Variants in ZNF644 observed in about 807,000 individuals in gnomAD.
The protein encoded by ZNF644 is zinc finger motif enhancer binding protein 2.
Under a neutral mutation model 108.0 loss-of-function variants are expected in ZNF644, and 20 were observed. That is an observed-to-expected ratio of 0.19 (90% CI 0.13 to 0.27). The LOEUF is 0.27. Among genes scored for constraint, ZNF644 ranks in the 10% least tolerant of loss-of-function variants. The pLI is 1.00. For missense variants in ZNF644, 1,338 were observed against 1,548.9 expected (o/e 0.86, Z 2.29); for synonymous variants, 542 against 539.1 (o/e 1.01, Z -0.08).
chr1:90,937,652 A>G lies in ZNF644; in HGVS notation c.3521T>C (p.Leu1174Pro), dbSNP rs753402557. The G allele has an allele frequency of 6.2e-7, 1 of 1,613,776 alleles. No homozygotes were observed. Among genetic ancestry groups the G allele is most frequent in the Non-Finnish European group, 8.5e-7 (1 of 1,179,886 alleles). The change falls in exon 4 of 6, where the codon CTT becomes CCT. Residue 1174 changes from leucine to proline, a missense_variant. Around this residue, in one of 6 missense-constraint regions of ZNF644, gnomAD observed 287 missense variants for 310.9 expected, o/e 0.92. Coordinates refer to ENST00000337393, the MANE Select transcript of ZNF644 (RefSeq NM_201269.3). Reference sequence around the variant, plus strand: ...TTCTCCCATCCTTTTATTTTTAAGAAGTTCTATGAGTGTAAGAGACTGATT... The same window carrying G: ...TTCTCCCATCCTTTTATTTTTAAGAGGTTCTATGAGTGTAAGAGACTGATT... Reference protein sequence around the residue: ...KKNQSLTLIELLKNKRMGEER... With the variant: ...KKNQSLTLIEPLKNKRMGEER...
At chr1:90,937,218 TTG>T (rs368889464) in intron 4 of ZNF644, among the ~76,000 whole-genome samples, 42 of 151,904 alleles carry the variant, frequency 2.8e-4, no homozygotes, top group Non-Finnish European at 5.2e-4. Flanking sequence ...GTTGTTTTTA[TTG>T]TGTGTGTGTG....
At chr1:90,933,441 T>G (rs911573586) in intron 4 of ZNF644, among the ~76,000 whole-genome samples, 3 of 152,128 alleles carry the variant, frequency 2.0e-5, no homozygotes, top group South Asian at 2.1e-4. Flanking sequence ...GCGGGCAGAC[T>G]GCCTGAGGTC....
intron 1 of ZNF644, among the ~76,000 whole-genome samples, chr1:91,008,396 A>G (rs1659641560): frequency 6.6e-6 from 1 of 152,164 alleles, no homozygotes; most frequent in Non-Finnish European, 1.5e-5. Flanking sequence ...GGCCTTCTCC[A>G]CTGACAGCAG....
intron 1 of ZNF644, among the ~76,000 whole-genome samples, chr1:91,008,934 T>C (rs1040150608): frequency 3.3e-5 from 5 of 152,166 alleles, no homozygotes; most frequent in African/African-American, 1.2e-4. Context: ...TCATCAGTAC[T>C]GACCATCAGA....
chr1:90,957,980 G>A (rs538213612), intron 2 of ZNF644, among the ~76,000 whole-genome samples: 2 of 151,968 alleles, frequency 1.3e-5, no homozygotes, highest in East Asian at 3.9e-4. Flanking sequence ...TACCAGCAAC[G>A]AATGATCCAA....
chr1:91,000,001 ATATGCACCCAATACAGG>A (rs1658597266), intron 1 of ZNF644, among the ~76,000 whole-genome samples: 1 of 152,236 alleles, frequency 6.6e-6, no homozygotes, highest in Non-Finnish European at 1.5e-5. Context: ...TCCTAAATAT[ATATGCACCCAATACAGG>A]AGCACCCAGA....
At chr1:90,960,809 T>C (rs1228652473) in intron 2 of ZNF644, among the ~76,000 whole-genome samples, 1 of 152,088 alleles carries the variant, frequency 6.6e-6, no homozygotes, top group African/African-American at 2.4e-5. Flanking sequence ...GCTAGTCTTT[T>C]TGGATGGAGG....
At chr1:91,021,563 A>G (rs1660913050) in intron 1 of ZNF644, 1 of 153,516 alleles carries the variant, frequency 6.5e-6, no homozygotes, top group Non-Finnish European at 1.4e-5. Context: ...GACTAAACAA[A>G]ACCCCCAAGT....
At chr1:90,950,685 G>A (rs1653058583) in intron 2 of ZNF644, among the ~76,000 whole-genome samples, 1 of 152,080 alleles carries the variant, frequency 6.6e-6, no homozygotes, top group African/African-American at 2.4e-5. Flanking sequence ...AACAAATCAA[G>A]CAGACTTAAA....
intron 2 of ZNF644, 31 bp downstream of exon 2, chr1:90,982,279 T>C: frequency 6.4e-7 from 1 of 1,568,208 alleles, no homozygotes; most frequent in South Asian, 1.1e-5. Context: ...TACCTTGATA[T>C]GTACATTTAA....
Position 90,938,143 on chromosome 1 carries a change from C to T in ZNF644, c.3083-53G>A, listed in dbSNP as rs751530188. Reference sequence around the variant, plus strand: ...CAGACTTTCTTATATAAACTGACCACCCTAAAATGAGTTAATTCTGAAACA... The same window carrying T: ...CAGACTTTCTTATATAAACTGACCATCCTAAAATGAGTTAATTCTGAAACA... On this transcript the variant is annotated intron_variant, in intron 3 of 5. Transcript: ENST00000337393. This position sits in a 1 kb window ranked among gnomAD's most constrained non-coding sequence, Gnocchi z 4.2. 40 of 1,606,376 alleles carry T rather than the reference C, an allele frequency of 2.5e-5. 1 individual carries two copies. Among genetic ancestry groups the T allele is most frequent in the Admixed American group, 5.0e-5 (3 of 59,560 alleles).
intron 2 of ZNF644, among the ~76,000 whole-genome samples, chr1:90,948,930 T>C (rs148398246): frequency 5.9e-5 from 9 of 152,334 alleles, no homozygotes; most frequent in African/African-American, 1.9e-4. Context: ...TAGATTTTAA[T>C]AATCTGTCAT....
intron 1 of ZNF644, among the ~76,000 whole-genome samples, chr1:90,998,922 C>G (rs968220401): frequency 8.5e-5 from 13 of 152,212 alleles, no homozygotes; most frequent in African/African-American, 3.1e-4. Context: ...AGTAGCCGAT[C>G]TGATCAACTG....
chr1:90,953,245 G>T (rs2101061282), intron 2 of ZNF644, among the ~76,000 whole-genome samples: 1 of 151,546 alleles, frequency 6.6e-6, no homozygotes, highest in Non-Finnish European at 1.5e-5. Flanking sequence ...GATACTGTGG[G>T]TTCAGTTCCA....
chr1:91,016,815 C>A (rs1404083798), intron 1 of ZNF644, among the ~76,000 whole-genome samples: 4 of 152,124 alleles, frequency 2.6e-5, no homozygotes, highest in South Asian at 4.1e-4. Flanking sequence ...AATATACTTA[C>A]GTTTCTAGAG....
At chr1:91,002,164 A>G (rs1658910613) in intron 1 of ZNF644, among the ~76,000 whole-genome samples, 1 of 152,216 alleles carries the variant, frequency 6.6e-6, no homozygotes, top group Non-Finnish European at 1.5e-5. Flanking sequence ...TCTTCACAGA[A>G]CTGGAAAAAA....
At chr1:90,965,984 C>G (rs1654828810) in intron 2 of ZNF644, among the ~76,000 whole-genome samples, 1 of 152,160 alleles carries the variant, frequency 6.6e-6, no homozygotes, top group African/African-American at 2.4e-5. Context: ...CTCCTGACCT[C>G]AGGTGATCCA....
chr1:90,944,924 T>C (rs1652362039), intron 2 of ZNF644, among the ~76,000 whole-genome samples: 1 of 152,188 alleles, frequency 6.6e-6, no homozygotes, highest in African/African-American at 2.4e-5. Flanking sequence ...CACTGAATAA[T>C]TGATACAGAA....
Position 90,968,851 on chromosome 1 carries a change from G to A in ZNF644, c.44+13459C>T, listed in dbSNP as rs537989749. Among the ~76,000 whole-genome samples the A allele has an allele frequency of 8.5e-5, 13 of 152,132 alleles. No homozygotes were observed. In the South Asian group the frequency reaches 2.7e-3, roughly 32 times the overall value. ...ATCAGTATACCTTGAATGCATATAT[G>A]CACATCTAGATGCATTTATCCTATT... is the stretch of plus-strand genomic sequence containing the variant. On this transcript the variant is annotated intron_variant, in intron 2 of 5. Transcript: ENST00000337393.
Sources: allele counts gnomAD v4.1 joint callset (sites outside exome capture counted in the v4.1 genomes callset), GRCh38; gene constraint gnomAD v4.1.1; regional missense constraint gnomAD v4.1.1; non-coding constraint Gnocchi (gnomAD v3.1); transcripts MANE v1.5; gene names NCBI Gene and HGNC (gene_info 2026-07-23, HGNC 2026-07-21).